MAGI3: variants seen among roughly 807,000 people sequenced by gnomAD.
The protein encoded by MAGI3 is membrane associated guanylate kinase, WW and PDZ domain containing 3.
MAGI3 carries 43 observed loss-of-function variants against 121.8 expected under a neutral mutation model. The ratio of observed to expected loss-of-function variants is 0.35; its 90% CI spans 0.28 to 0.46. The LOEUF (loss-of-function observed/expected upper bound fraction) is 0.46, where lower values mean the gene tolerates loss of function less well. Ranked by LOEUF, MAGI3 falls within the 20% of genes least tolerant of loss-of-function variation. MAGI3 has a pLI of 1.00. For synonymous variants in MAGI3, 553 were observed against 639.3 expected (o/e 0.86, Z 2.04); for missense variants, 1,547 against 1,797.3 (o/e 0.86, Z 2.52).
intron 1 of MAGI3, among the ~76,000 whole-genome samples, chr1:113,405,782 G>A (rs906734475): frequency 6.6e-6 from 1 of 152,012 alleles, no homozygotes; most frequent in African/African-American, 2.4e-5. Context: ...TCTGTACTCC[G>A]ATTGCTTCTC....
At chr1:113,429,636 CAG>C (rs1653199141) in intron 1 of MAGI3, among the ~76,000 whole-genome samples, 1 of 152,132 alleles carries the variant, frequency 6.6e-6, no homozygotes, top group Admixed American at 6.5e-5. Flanking sequence ...AGTGACCAGT[CAG>C]AGGCTGAAGT....
intron 1 of MAGI3, among the ~76,000 whole-genome samples, chr1:113,414,352 G>A (rs554352606): frequency 4.6e-5 from 7 of 152,142 alleles, no homozygotes; most frequent in South Asian, 4.2e-4. Context: ...TTTTTGTTGT[G>A]TCTCTGCCAG....
chr1:113,637,025 G>C (rs1204381779), intron 9 of MAGI3, among the ~76,000 whole-genome samples: 3 of 152,064 alleles, frequency 2.0e-5, no homozygotes, highest in Non-Finnish European at 4.4e-5. Context: ...TTTAAAGTCT[G>C]TTTTATCAGA....
intron 1 of MAGI3, among the ~76,000 whole-genome samples, chr1:113,503,357 C>T (rs531684680): frequency 3.1e-5 from 4 of 130,548 alleles, no homozygotes; most frequent in South Asian, 2.5e-4. Flanking sequence ...GAACCAGATT[C>T]GAGAAAACAG....
At chr1:113,649,861 C>T (rs1457396154) in intron 13 of MAGI3, among the ~76,000 whole-genome samples, 1 of 152,126 alleles carries the variant, frequency 6.6e-6, no homozygotes, top group Non-Finnish European at 1.5e-5. Context: ...TGTCCAGAGG[C>T]ATAAGGGTTA....
rs542110250 is a variant in MAGI3 at position 113,685,027 on chromosome 1, C to T, written c.*1013C>T. 22 of 152,356 alleles carry T rather than the reference C, an allele frequency of 1.4e-4. No individual in the cohort carries two copies. Among genetic ancestry groups the T allele is most frequent in the South Asian group, 8.3e-4 (4 of 4,834 alleles). The allele number at this position is 152,356 out of a possible 1,614,324, so 9.4% of individuals were successfully genotyped here. A position where few individuals can be genotyped will look rare whatever the true frequency, so the allele number is the denominator to read the frequency against. ...TTTCACAGTCCAAGTACCAACTCTTCTGGTAGCAGGTGCACAAGCTTGGGT... is the reference window on the plus strand; with the variant it reads ...TTTCACAGTCCAAGTACCAACTCTTTTGGTAGCAGGTGCACAAGCTTGGGT... On this transcript the variant is annotated 3_prime_UTR_variant, in exon 21 of 21. Transcript: ENST00000307546.
intron 2 of MAGI3, among the ~76,000 whole-genome samples, chr1:113,571,912 CA>C (rs1647316404): frequency 6.6e-6 from 1 of 152,142 alleles, no homozygotes; most frequent in South Asian, 2.1e-4. Flanking sequence ...TTGCCCTGGC[CA>C]GAACTTCCAA....
intron 1 of MAGI3, among the ~76,000 whole-genome samples, chr1:113,401,261 T>A (rs149986453): frequency 0.011 from 1,606 of 152,252 alleles, 12 homozygotes; most frequent in Non-Finnish European, 0.016. Context: ...TGTCTTCCTT[T>A]TTCTAGTAAA....
chr1:113,641,125 ATATT>A lies in MAGI3; in HGVS notation c.1361-785_1361-782del, dbSNP rs546216753. On this transcript the variant is annotated intron_variant, in intron 9 of 20. Transcript: ENST00000307546. ...TGATATATAAATATATATGAGATATATATTATATATATGATATATAAATATATAT... is the reference window on the plus strand; with the variant it reads ...TGATATATAAATATATATGAGATATAATATATATGATATATAAATATATAT... 3.0e-3 allele frequency among the ~76,000 whole-genome samples: 276 copies of A among 91,392 alleles called. 22 individuals are homozygous for A. Among genetic ancestry groups the A allele is most frequent in the African/African-American group, 1.0e-2 (268 of 26,854 alleles). The allele number at this position is 91,392 out of a possible 152,430, so 60.0% of individuals were successfully genotyped here.
intron 1 of MAGI3, among the ~76,000 whole-genome samples, chr1:113,508,680 G>A (rs112377023): frequency 2.0e-5 from 3 of 152,256 alleles, no homozygotes; most frequent in South Asian, 2.1e-4. Context: ...GCTATTCCTT[G>A]TTCTTTTAAA....
At chr1:113,510,253 A>G (rs1189645342) in intron 1 of MAGI3, among the ~76,000 whole-genome samples, 2 of 152,118 alleles carry the variant, frequency 1.3e-5, no homozygotes, top group Non-Finnish European at 2.9e-5. Flanking sequence ...GGTAACAGAA[A>G]TGTTATAAGT....
chr1:113,521,156 G>T (rs1282975369), intron 1 of MAGI3, among the ~76,000 whole-genome samples: 2 of 146,028 alleles, frequency 1.4e-5, no homozygotes, highest in African/African-American at 5.1e-5. Context: ...GCTCAATCTC[G>T]GCTCACTGCA....
chr1:113,503,845 G>A (rs560656284), intron 1 of MAGI3, among the ~76,000 whole-genome samples: 2 of 152,122 alleles, frequency 1.3e-5, no homozygotes, highest in Admixed American at 6.6e-5. Context: ...GAATGGTAAG[G>A]TCTAGAGAAG....
intron 12 of MAGI3, 42 bp from the exon 13 acceptor site, chr1:113,649,195 T>G: frequency 6.8e-7 from 1 of 1,472,454 alleles, no homozygotes. Context: ...TTTAATCCTT[T>G]TAAAATAAAT....
chr1:113,396,275 T>C (rs752850518), intron 1 of MAGI3, among the ~76,000 whole-genome samples: 2 of 130,130 alleles, frequency 1.5e-5, no homozygotes, highest in Non-Finnish European at 3.2e-5. Context: ...TCAAAATCTG[T>C]GAATGTCAGG....
chr1:113,470,683 A>G (rs1655499476), intron 1 of MAGI3, among the ~76,000 whole-genome samples: 1 of 152,098 alleles, frequency 6.6e-6, no homozygotes, highest in South Asian at 2.1e-4. Context: ...TGTAAACAAC[A>G]TCTCCCCATT....
Position 113,474,578 on chromosome 1 carries a change from G to T in MAGI3, c.317-74937G>T, listed in dbSNP as rs185177210. Among the ~76,000 whole-genome samples, 1,109 of 152,262 alleles carry T rather than the reference G, an allele frequency of 7.3e-3. 11 individuals are homozygous for T. Among genetic ancestry groups the T allele is most frequent in the African/African-American group, 0.025 (1,055 of 41,550 alleles). On this transcript the variant is annotated intron_variant, in intron 1 of 20. Coordinates refer to ENST00000307546, the MANE Select transcript of MAGI3 (RefSeq NM_001142782.2). ...TGTCAAAGATCCGATGGTTGCGGAT[G>T]TGTGGTGTTATTTCTGAGGGCTCTG...
chr1:113,479,817 TA>T (rs1257144362), intron 1 of MAGI3, among the ~76,000 whole-genome samples: 4 of 152,158 alleles, frequency 2.6e-5, no homozygotes, highest in Non-Finnish European at 5.9e-5. Flanking sequence ...TGGGTAATTT[TA>T]AATGAACCAT....
intron 1 of MAGI3, among the ~76,000 whole-genome samples, chr1:113,394,455 C>G (rs1455215593): frequency 6.6e-6 from 1 of 152,006 alleles, no homozygotes; most frequent in Non-Finnish European, 1.5e-5. Flanking sequence ...TTGTCTTTTC[C>G]CAGTAGTAAA....
Sources: gnomAD v4.1 joint callset for allele counts (sites outside exome capture counted in the v4.1 genomes callset) on GRCh38, gnomAD v4.1.1 for gene constraint, MANE v1.5 for transcripts, NCBI Gene and HGNC (gene_info 2026-07-23, HGNC 2026-07-21) for gene names.